Variants in KDM1B observed in about 807,000 individuals in gnomAD.
The protein encoded by KDM1B is lysine-specific histone demethylase 2.
Under a neutral mutation model 107.4 loss-of-function variants are expected in KDM1B, and 63 were observed. The ratio of observed to expected loss-of-function variants is 0.59; its 90% confidence interval spans 0.48 to 0.72. KDM1B has a LOEUF of 0.72. Among genes scored for constraint, KDM1B ranks in the 30% least tolerant of loss-of-function variants. The pLI is 0.00. For synonymous variants in KDM1B, 363 were observed against 363.9 expected, an observed-to-expected ratio of 1.00 and a Z score of 0.03; for missense variants, 749 against 1,020.8, an observed-to-expected ratio of 0.73 and a Z score of 3.63.
At position 18,197,435 on chromosome 6, in the gene KDM1B, A is replaced by C; in HGVS notation, c.1147-152A>C. ...TAGGGAAAAAGGGAAGGGAGTAATA[A>C]GACAAGTGCCACCACATTCTTTAGG... is the stretch of plus-strand genomic sequence containing the variant. On this transcript the variant is annotated intron_variant, in intron 11 of 21. Transcript: ENST00000650836. The surrounding 1 kb of genome is among the most constrained non-coding windows in gnomAD (Gnocchi z 4.5). 1.3e-6 allele frequency: 1 copy of C among 775,354 alleles called. No individual in the cohort carries two copies. The highest frequency in any genetic ancestry group is 1.6e-5 in the South Asian group (1 of 60,718). The allele number at this position is 775,354 out of a possible 1,614,324, so 48.0% of individuals were successfully genotyped here.
At chr6:18,188,790 T>TC (rs1404497525) in intron 9 of KDM1B, among the ~76,000 whole-genome samples, 1 of 150,708 alleles carries the variant, frequency 6.6e-6, no homozygotes, top group Non-Finnish European at 1.5e-5. Context: ...ATTTTTTTTT[T>TC]TTTTTCTTTT....
chr6:18,191,743 A>G lies in KDM1B; in HGVS notation c.969+362A>G, dbSNP rs1196080241. ...GAGTATAAGGTGCAAGGTTTGGTCC[A>G]AAGAGTTCCAATGGCAATGGCAGGA... On this transcript the variant is annotated intron_variant, in intron 10 of 21. Coordinates refer to ENST00000650836, the MANE Select transcript of KDM1B (RefSeq NM_001364614.2). This position sits in a 1 kb window ranked among gnomAD's most constrained non-coding sequence, Gnocchi z 5.1. Among the ~76,000 whole-genome samples the G allele has an allele frequency of 6.6e-6, 1 of 152,198 alleles. No homozygotes were observed. The highest frequency in any genetic ancestry group is 2.4e-5 in the African/African-American group (1 of 41,456).
chr6:18,175,664 C>G (rs1785947768), intron 7 of KDM1B, among the ~76,000 whole-genome samples: 1 of 152,094 alleles, frequency 6.6e-6, no homozygotes, highest in Non-Finnish European at 1.5e-5. Context: ...ATATGAGGAT[C>G]CAGTTTTCCT....
Position 18,212,521 on chromosome 6 carries a change from A to G in KDM1B, c.1900A>G (p.Lys634Glu). 2.5e-6 allele frequency: 4 copies of G among 1,614,006 alleles called. No homozygotes were observed. The highest frequency in any genetic ancestry group is 3.4e-6 in the Non-Finnish European group (4 of 1,179,846). ...LVTVPLALLQ[K>E]GAIQFNPPLS... ...CACTGTACCACTGGCTTTACTACAGAAAGGTGCCATTCAGTTTAATCCACC... is the reference window on the plus strand; with the variant it reads ...CACTGTACCACTGGCTTTACTACAGGAAGGTGCCATTCAGTTTAATCCACC... The change falls in exon 18 of 22, where the codon AAA (lysine) becomes GAA (glutamate). Residue 634 changes from lysine to glutamate, a missense_variant. By Grantham distance (56) the Lys-to-Glu change is moderately conservative. Transcript: ENST00000650836. This position sits in a 1 kb window ranked among gnomAD's most constrained non-coding sequence, Gnocchi z 5.2.
At chr6:18,180,846 G>A (rs57876352) in intron 7 of KDM1B, among the ~76,000 whole-genome samples, 5,213 of 152,230 alleles carry the variant, frequency 0.034, 281 homozygotes, top group African/African-American at 0.12. Flanking sequence ...GATTACAGGC[G>A]TGAGCCACTG....
rs1388741908 is a variant in KDM1B at position 18,222,184 on chromosome 6, T to G, written c.*192T>G. 1 of 685,990 alleles carries G rather than the reference T, an allele frequency of 1.5e-6. No homozygotes were observed. Among genetic ancestry groups the G allele is most frequent in the Non-Finnish European group, 2.7e-6 (1 of 373,546 alleles). 42.5% of individuals were successfully genotyped at this position (685,990 alleles called of 1,614,324 possible). ...TGACCTCAAAAAACCTTATAAGCAC[T>G]TAGATTTAATTGCATTTTCCATAGG... On this transcript the variant is annotated 3_prime_UTR_variant, in exon 22 of 22. Coordinates refer to ENST00000650836, the MANE Select transcript of KDM1B (RefSeq NM_001364614.2).
chr6:18,164,277 A>C (rs1339347255), intron 5 of KDM1B, among the ~76,000 whole-genome samples: 1 of 151,712 alleles, frequency 6.6e-6, no homozygotes. Context: ...ACAGGCGTGC[A>C]CTACCGCACC....
chr6:18,164,589 T>C (rs549415733), intron 5 of KDM1B, among the ~76,000 whole-genome samples: 10 of 152,330 alleles, frequency 6.6e-5, no homozygotes, highest in African/African-American at 1.4e-4. Flanking sequence ...GCTTTTTTAA[T>C]GTTAGCATGA....
intron 10 of KDM1B, among the ~76,000 whole-genome samples, chr6:18,193,298 CTTTTTT>C (rs61133563): frequency 2.2e-4 from 20 of 90,080 alleles, no homozygotes; most frequent in African/African-American, 8.1e-4. Context: ...TGTGTGCTTT[CTTTTTT>C]TTTTTTTTTT....
chr6:18,161,482 C>A (rs756803373), intron 4 of KDM1B, 28 bp downstream of exon 4: 92 of 1,609,138 alleles, frequency 5.7e-5, no homozygotes, highest in Non-Finnish European at 7.4e-5. Flanking sequence ...TCTTGGCCTC[C>A]CATTTCTGCT....
Position 18,209,249 on chromosome 6 carries a change from T to TA in KDM1B, c.1866+1044dup, listed in dbSNP as rs1788641141. ...GTGCCTCCTTGGGGTAGAGGGGATT[T>TA]AGTAAACCTTGAAAATTTAAGTTTA... On this transcript the variant is annotated intron_variant, in intron 17 of 21. Coordinates refer to ENST00000650836, the MANE Select transcript of KDM1B (RefSeq NM_001364614.2). The surrounding 1 kb of genome is among the most constrained non-coding windows in gnomAD (Gnocchi z 4.3). Among the ~76,000 whole-genome samples the TA allele has an allele frequency of 6.6e-6, 1 of 152,212 alleles. No individual in the cohort carries two copies. Among genetic ancestry groups the TA allele is most frequent in the East Asian group, 1.9e-4 (1 of 5,198 alleles).
At chr6:18,173,410 A>G (rs1032536786) in intron 7 of KDM1B, among the ~76,000 whole-genome samples, 1 of 152,078 alleles carries the variant, frequency 6.6e-6, no homozygotes, top group East Asian at 1.9e-4. Context: ...TGTAATCTGG[A>G]TATAACCATG....
At chr6:18,215,780 T>C (rs1252234590) in intron 20 of KDM1B, among the ~76,000 whole-genome samples, 2 of 151,800 alleles carry the variant, frequency 1.3e-5, no homozygotes, top group Non-Finnish European at 2.9e-5. Flanking sequence ...AGGCTCGGTA[T>C]TTTCTACGTG....
intron 17 of KDM1B, among the ~76,000 whole-genome samples, chr6:18,210,764 T>C (rs1788804397): frequency 6.6e-6 from 1 of 152,098 alleles, no homozygotes; most frequent in Non-Finnish European, 1.5e-5. Flanking sequence ...TTCGGGAGGC[T>C]GAGGCGAGAA....
intron 7 of KDM1B, among the ~76,000 whole-genome samples, chr6:18,173,540 A>G (rs1785800701): frequency 6.6e-6 from 1 of 152,012 alleles, no homozygotes; most frequent in Admixed American, 6.6e-5. Flanking sequence ...TATGCTTAGA[A>G]CTTTTTGTGT....
Position 18,211,504 on chromosome 6 carries a change from G to A in KDM1B, c.1867-984G>A, listed in dbSNP as rs1349141862. 1 of 152,264 alleles carries A rather than the reference G, an allele frequency of 6.6e-6. No individual in the cohort carries two copies. Among genetic ancestry groups the A allele is most frequent in the Admixed American group, 6.5e-5 (1 of 15,284 alleles). 9.4% of individuals were successfully genotyped at this position (152,264 alleles called of 1,614,324 possible). A position where few individuals can be genotyped will look rare whatever the true frequency, so the allele number is the denominator to read the frequency against. The stretch of plus-strand genomic sequence containing the variant: ...GTTGAGAGCACACAATGCTGGAGGT[G>A]TTTGGTTCTTCTGCAGCAGGGTTCG... On this transcript the variant is annotated intron_variant, in intron 17 of 21. Transcript: ENST00000650836. The surrounding 1 kb of genome is among the most constrained non-coding windows in gnomAD (Gnocchi z 5.2).
In KDM1B at chr6:18,175,030, A is replaced by G. The variant is rs930141705; in HGVS notation, c.534+3551A>G. Among the ~76,000 whole-genome samples, 4 of 152,312 alleles carry G rather than the reference A, an allele frequency of 2.6e-5. No individual in the cohort carries two copies. The South Asian group carries it at 8.3e-4, about 32-fold the overall frequency. ...TAGTGGAATTGCTGGATCAAATGGTAGTTCTGCATTTAGTTCTTTAAGGAA... is the reference window on the plus strand; with the variant it reads ...TAGTGGAATTGCTGGATCAAATGGTGGTTCTGCATTTAGTTCTTTAAGGAA... On this transcript the variant is annotated intron_variant, in intron 7 of 21. Coordinates refer to ENST00000650836, the MANE Select transcript of KDM1B (RefSeq NM_001364614.2).
chr6:18,181,584 A>G (rs1786482306), intron 7 of KDM1B, among the ~76,000 whole-genome samples: 1 of 152,042 alleles, frequency 6.6e-6, no homozygotes, highest in African/African-American at 2.4e-5. Context: ...TGTCTCTACA[A>G]AGAATACAAA....
At chr6:18,194,670 T>G (rs1369016680) in intron 10 of KDM1B, among the ~76,000 whole-genome samples, 1 of 151,924 alleles carries the variant, frequency 6.6e-6, no homozygotes, top group Non-Finnish European at 1.5e-5. Context: ...TTCCTTCTTA[T>G]TTTTTTTAAA....
Sources: gnomAD v4.1 joint callset for allele counts (sites outside exome capture counted in the v4.1 genomes callset) on GRCh38, gnomAD v4.1.1 for gene constraint, Gnocchi (gnomAD v3.1) non-coding constraint, MANE v1.5 for transcripts, NCBI Gene and HGNC (gene_info 2026-07-23, HGNC 2026-07-21) for gene names.